USP12: variants seen among roughly 807,000 people sequenced by gnomAD.
USP12 encodes the protein ubiquitin specific peptidase 12.
In USP12, 19 loss-of-function variants were observed where a neutral mutation model predicts 45.5. The ratio of observed to expected loss-of-function variants is 0.42; its 90% CI spans 0.29 to 0.61. The LOEUF (loss-of-function observed/expected upper bound fraction) is 0.61. USP12 is among the 20% of genes least tolerant of loss of function. The pLI, the probability that USP12 is intolerant of heterozygous loss-of-function variation, is 0.22. For synonymous variants in USP12, 149 were observed against 148.8 expected, an observed-to-expected ratio of 1.00 and a Z score of -0.01; for missense variants, 242 against 447.7, an observed-to-expected ratio of 0.54 and a Z score of 4.15.
chr13:27,131,612 G>A lies in USP12; in HGVS notation c.49-15016C>T, dbSNP rs1876506717. 2.6e-5 allele frequency among the ~76,000 whole-genome samples: 4 copies of A among 152,196 alleles called. 1 individual carries two copies. In the South Asian group the frequency reaches 8.3e-4, roughly 32 times the overall value. On this transcript the variant is annotated intron_variant, in intron 1 of 8. Transcript: ENST00000282344. ...GAAAAGAGACCACTCTTTAACCTAT[G>A]TAAAAGTCTGAGGTTAGCTTCCTAT...
chr13:27,108,267 G>A (rs1875244620), intron 2 of USP12, among the ~76,000 whole-genome samples: 1 of 151,964 alleles, frequency 6.6e-6, no homozygotes. Flanking sequence ...ATCATTCTCA[G>A]GAAACTATCG....
intron 4 of USP12, among the ~76,000 whole-genome samples, chr13:27,090,808 T>C (rs1874276060): frequency 6.6e-6 from 1 of 152,220 alleles, no homozygotes. Context: ...CTCCACTCAG[T>C]TAAGCAAATG....
chr13:27,082,481 G>A (rs1593174125), intron 6 of USP12, among the ~76,000 whole-genome samples: 4 of 152,312 alleles, frequency 2.6e-5, no homozygotes, highest in Admixed American at 2.6e-4. Context: ...TGGCAATAAG[G>A]CTGTTTTGCT....
chr13:27,081,432 C>T (rs762811944), intron 6 of USP12, among the ~76,000 whole-genome samples: 1 of 152,302 alleles, frequency 6.6e-6, no homozygotes, highest in South Asian at 2.1e-4. Flanking sequence ...TCAGTCAGAT[C>T]GTCAGGATCC....
At chr13:27,146,247 C>T (rs994341076) in intron 1 of USP12, among the ~76,000 whole-genome samples, 1 of 152,024 alleles carries the variant, frequency 6.6e-6, no homozygotes, top group Non-Finnish European at 1.5e-5. Context: ...ACTAAAAATA[C>T]AAAAATTAGC....
intron 4 of USP12, among the ~76,000 whole-genome samples, chr13:27,091,198 A>C (rs886581622): frequency 6.6e-6 from 1 of 152,242 alleles, no homozygotes; most frequent in Non-Finnish European, 1.5e-5. Flanking sequence ...AGGAAAACAC[A>C]TCAATTTTGT....
chr13:27,121,058 A>T (rs1211109102), intron 1 of USP12, among the ~76,000 whole-genome samples: 1 of 152,130 alleles, frequency 6.6e-6, no homozygotes, highest in Non-Finnish European at 1.5e-5. Context: ...CTTAGGGTCC[A>T]CTCAAGACAG....
intron 1 of USP12, 32 bp downstream of exon 1, chr13:27,171,560 G>A: frequency 1.6e-6 from 2 of 1,223,228 alleles, no homozygotes; most frequent in African/African-American, 1.6e-5. Context: ...AGAGGTCCCG[G>A]CAGCCCCGGC....
In USP12 at chr13:27,083,585, T is replaced by C. The variant is rs534449472; in HGVS notation, c.734+6298A>G. Among the ~76,000 whole-genome samples the C allele has an allele frequency of 3.3e-5, 5 of 152,232 alleles. No individual in the cohort carries two copies. The South Asian group carries it at 1.0e-3, about 32-fold the overall frequency. On this transcript the variant is annotated intron_variant, in intron 6 of 8. Coordinates refer to ENST00000282344, the MANE Select transcript of USP12 (RefSeq NM_182488.4). ...CCCATGGGATAAACGTATATGACCA[T>C]TAGAGTGACATTTCCCACACTGCTA...
At position 27,129,871 on chromosome 13, in the gene USP12, C is replaced by T. The variant is rs1012600085; in HGVS notation, c.49-13275G>A. 3.9e-5 allele frequency among the ~76,000 whole-genome samples: 6 copies of T among 152,142 alleles called. No individual in the cohort carries two copies. Among genetic ancestry groups the T allele is most frequent in the African/African-American group, 9.7e-5 (4 of 41,426 alleles). On this transcript the variant is annotated intron_variant, in intron 1 of 8. Transcript: ENST00000282344. The surrounding 1 kb of genome is among the most constrained non-coding windows in gnomAD (Gnocchi z 4.0). Reference sequence around the variant, plus strand: ...ACTGGCTGCCAACTGGCATGAAGCACGGTCACATCCAAAACATACGAGTGG... The same window carrying T: ...ACTGGCTGCCAACTGGCATGAAGCATGGTCACATCCAAAACATACGAGTGG...
intron 4 of USP12, among the ~76,000 whole-genome samples, chr13:27,091,717 C>T (rs913114126): frequency 6.6e-6 from 1 of 152,040 alleles, no homozygotes; most frequent in Non-Finnish European, 1.5e-5. Flanking sequence ...GAGAAGCAAC[C>T]GACAATGAAA....
At chr13:27,145,656 GTCACTTTTA>G (rs1877275167) in intron 1 of USP12, among the ~76,000 whole-genome samples, 1 of 151,894 alleles carries the variant, frequency 6.6e-6, no homozygotes, top group African/African-American at 2.4e-5. Flanking sequence ...ATACTCATTT[GTCACTTTTA>G]TAAAGTTGTT....
At chr13:27,075,513 C>T in intron 6 of USP12, 125 bp from the exon 7 acceptor site, 1 of 790,210 alleles carries the variant, frequency 1.3e-6, no homozygotes, top group Admixed American at 2.9e-5. Flanking sequence ...CAGCAATGCC[C>T]AGTTTTGCAC....
chr13:27,083,433 T>G (rs951732380), intron 6 of USP12, among the ~76,000 whole-genome samples: 1 of 152,090 alleles, frequency 6.6e-6, no homozygotes, highest in African/African-American at 2.4e-5. Context: ...GACCTGAGCC[T>G]CAGCCTCCCC....
intron 1 of USP12, among the ~76,000 whole-genome samples, chr13:27,131,431 G>T (rs117695553): frequency 6.6e-6 from 1 of 152,168 alleles, no homozygotes; most frequent in Non-Finnish European, 1.5e-5. Context: ...GCTGTAAAAC[G>T]TAAAGCATTA....
chr13:27,133,729 A>C (rs1256074088), intron 1 of USP12, among the ~76,000 whole-genome samples: 3 of 152,350 alleles, frequency 2.0e-5, no homozygotes, highest in African/African-American at 7.2e-5. Context: ...GGTTTCATTC[A>C]GACCACTATT....
In USP12 at chr13:27,095,579, C is replaced by T. The variant is rs186608445; in HGVS notation, c.573+22G>A. 3.2e-4 allele frequency: 487 copies of T among 1,523,180 alleles called. No homozygotes were observed. The African/African-American group carries it at 6.1e-3, about 19-fold the overall frequency. The allele number at this position is 1,523,180 out of a possible 1,614,324, so 94.4% of individuals were successfully genotyped here. ...CATAGTAATTCAATTTTTCTCTATACAAAATTGTATGATATACTTACAGTT... is the reference window on the plus strand; with the variant it reads ...CATAGTAATTCAATTTTTCTCTATATAAAATTGTATGATATACTTACAGTT... On this transcript the variant is annotated intron_variant, in intron 4 of 8. Transcript: ENST00000282344.
At chr13:27,089,174 A>G (rs1221951868) in intron 6 of USP12, among the ~76,000 whole-genome samples, 13 of 152,176 alleles carry the variant, frequency 8.5e-5, no homozygotes, top group Non-Finnish European at 1.9e-4. Context: ...TTCTTCTATA[A>G]AGGACATTAC....
chr13:27,098,835 G>A (rs1406247429), intron 3 of USP12, among the ~76,000 whole-genome samples: 1 of 152,254 alleles, frequency 6.6e-6, no homozygotes, highest in Admixed American at 6.5e-5. Flanking sequence ...AGGGAATGCT[G>A]GGCAACGGTT....
Sources: allele counts gnomAD v4.1 joint callset (sites outside exome capture counted in the v4.1 genomes callset), GRCh38; gene constraint gnomAD v4.1.1; non-coding constraint Gnocchi (gnomAD v3.1); transcripts MANE v1.5; gene names NCBI Gene and HGNC (gene_info 2026-07-23, HGNC 2026-07-21).